Variants in EPB41L3 observed in about 807,000 individuals in gnomAD.
EPB41L3 encodes band 4.1-like protein 3.
Under a neutral mutation model 127.1 loss-of-function variants are expected in EPB41L3, and 57 were observed. That is an observed-to-expected ratio of 0.45 (90% CI 0.36 to 0.56). The LOEUF is 0.56. Ranked by LOEUF, EPB41L3 falls within the 20% of genes least tolerant of loss-of-function variation. EPB41L3 has a pLI of 0.00. For synonymous variants in EPB41L3, 572 were observed against 549.5 expected, an observed-to-expected ratio of 1.04 and a Z score of -0.57; for missense variants, 1,273 against 1,372.2, an observed-to-expected ratio of 0.93 and a Z score of 1.14.
intron 1 of EPB41L3, among the ~76,000 whole-genome samples, chr18:5,533,949 A>G (rs1479743495): frequency 6.6e-6 from 1 of 152,100 alleles, no homozygotes; most frequent in African/African-American, 2.4e-5. Flanking sequence ...CAGATCGCAA[A>G]GTCAGGAGAT....
At chr18:5,483,206 G>A (rs990264118) in intron 2 of EPB41L3, among the ~76,000 whole-genome samples, 6 of 152,106 alleles carry the variant, frequency 3.9e-5, no homozygotes, top group Non-Finnish European at 7.4e-5. Context: ...ATGTGTGTAT[G>A]TGTAGTTTTT....
chr18:5,513,156 T>C (rs2092610737), intron 1 of EPB41L3, among the ~76,000 whole-genome samples: 1 of 151,382 alleles, frequency 6.6e-6, no homozygotes, highest in Admixed American at 6.6e-5. Context: ...CTTATCAGCC[T>C]GGGTCCCTCC....
chr18:5,530,625 C>A (rs574280817), intron 1 of EPB41L3, among the ~76,000 whole-genome samples: 77 of 152,214 alleles, frequency 5.1e-4, no homozygotes, highest in Middle Eastern at 6.8e-3. Flanking sequence ...CCTCTGTACA[C>A]GCTGGTCAGT....
intron 3 of EPB41L3, among the ~76,000 whole-genome samples, chr18:5,462,732 G>C (rs11876294): frequency 0.01 from 1,542 of 152,200 alleles, 32 homozygotes; most frequent in African/African-American, 0.036. Flanking sequence ...TTGCTCATTC[G>C]CTCACTACCT....
chr18:5,586,223 A>G (rs1002335800), intron 3 of EPB41L3, among the ~76,000 whole-genome samples: 3 of 152,192 alleles, frequency 2.0e-5, no homozygotes, highest in Non-Finnish European at 4.4e-5. Context: ...TAATTCAGTT[A>G]CAGCAAAATT....
intron 3 of EPB41L3, among the ~76,000 whole-genome samples, chr18:5,599,687 GC>G (rs1439173032): frequency 6.6e-6 from 1 of 152,096 alleles, no homozygotes; most frequent in Non-Finnish European, 1.5e-5. Context: ...ATATGACTGT[GC>G]CTGCTCCCGC....
intron 3 of EPB41L3, among the ~76,000 whole-genome samples, chr18:5,456,518 A>G (rs7229320): frequency 0.34 from 51,300 of 152,188 alleles, 8,846 homozygotes; most frequent in South Asian, 0.46. Context: ...ATGATGCTTC[A>G]TTCAGTCTTG....
At chr18:5,512,362 GA>G (rs1398192064) in intron 1 of EPB41L3, among the ~76,000 whole-genome samples, 1 of 152,168 alleles carries the variant, frequency 6.6e-6, no homozygotes, top group East Asian at 1.9e-4. Context: ...AAGAGAAAGT[GA>G]AATCTGATAT....
Position 5,419,770 on chromosome 18 carries a change from C to T in EPB41L3, c.1447G>A (p.Asp483Asn). 1 of 1,614,186 alleles carries T rather than the reference C, an allele frequency of 6.2e-7. No individual in the cohort carries two copies. The highest frequency in any genetic ancestry group is 1.3e-5 in the African/African-American group (1 of 75,042). Residue 483 changes from aspartate to asparagine, a missense_variant, in exon 12 of 23, where the codon GAC (aspartate) becomes AAC (asparagine). By Grantham distance (23) the Asp-to-Asn change is conservative. Transcript: ENST00000341928. Reference sequence around the variant, plus strand: ...ACTTCTTCCCCCTTCCTCCGTTTGTCCTCTTCCTCGTCCCGCTCCTCCTCA... The same window carrying T: ...ACTTCTTCCCCCTTCCTCCGTTTGTTCTCTTCCTCGTCCCGCTCCTCCTCA... ...KAEEERDEEE[D>N]KRRKGEEVTP...
At chr18:5,592,356 A>T (rs1348174063) in intron 3 of EPB41L3, among the ~76,000 whole-genome samples, 1 of 152,118 alleles carries the variant, frequency 6.6e-6, no homozygotes, top group Non-Finnish European at 1.5e-5. Flanking sequence ...TAGGAGAGAC[A>T]GGGTTTCACC....
chr18:5,610,295 T>C (rs968474572), intron 3 of EPB41L3: 7 of 985,250 alleles, frequency 7.1e-6, no homozygotes, highest in Admixed American at 6.1e-5. Flanking sequence ...TGCTACCTTA[T>C]CCCATTCTGA....
At chr18:5,429,144 C>T (rs988403219) in intron 8 of EPB41L3, 1 of 152,160 alleles carries the variant, frequency 6.6e-6, no homozygotes, top group Non-Finnish European at 1.5e-5. Context: ...CACACAAACA[C>T]ACTGCCCAGT....
intron 3 of EPB41L3, among the ~76,000 whole-genome samples, chr18:5,473,539 A>C (rs959978500): frequency 4.0e-5 from 6 of 151,530 alleles, no homozygotes; most frequent in African/African-American, 1.5e-4. Flanking sequence ...CAAATAGAGA[A>C]AGCAAAGTCC....
At chr18:5,602,900 T>C (rs1165394159) in intron 3 of EPB41L3, among the ~76,000 whole-genome samples, 2 of 152,240 alleles carry the variant, frequency 1.3e-5, no homozygotes, top group Non-Finnish European at 2.9e-5. Flanking sequence ...TAAATTTCTC[T>C]AGCTAATAAT....
At chr18:5,567,637 G>GAAGGAAGGAAGA (rs1279512917) in intron 3 of EPB41L3, among the ~76,000 whole-genome samples, 1 of 151,196 alleles carries the variant, frequency 6.6e-6, no homozygotes, top group Non-Finnish European at 1.5e-5. Context: ...AGGAAAGAAG[G>GAAGGAAGGAAGA]AAGGAAGGAA....
chr18:5,491,201 T>C (rs2090556954), intron 1 of EPB41L3, among the ~76,000 whole-genome samples: 1 of 152,184 alleles, frequency 6.6e-6, no homozygotes, highest in Non-Finnish European at 1.5e-5. Context: ...ACTGGCTGGA[T>C]GTGCAGGTCT....
At chr18:5,596,216 A>C (rs1214588298) in intron 3 of EPB41L3, among the ~76,000 whole-genome samples, 3 of 152,168 alleles carry the variant, frequency 2.0e-5, no homozygotes, top group Non-Finnish European at 2.9e-5. Context: ...GTTCCTAGCG[A>C]TCACATCAGA....
intron 3 of EPB41L3, among the ~76,000 whole-genome samples, chr18:5,583,376 C>T (rs1409110612): frequency 1.3e-5 from 2 of 152,194 alleles, no homozygotes; most frequent in Admixed American, 1.3e-4. Context: ...AGAGCTCTTC[C>T]CTGTCCAGAA....
At chr18:5,531,460 C>T (rs141721475) in intron 1 of EPB41L3, among the ~76,000 whole-genome samples, 46 of 152,240 alleles carry the variant, frequency 3.0e-4, no homozygotes, top group African/African-American at 1.1e-3. Context: ...CAGTGGTTCA[C>T]ACCTGGGATC....
Sources: gnomAD v4.1 joint callset for allele counts (sites outside exome capture counted in the v4.1 genomes callset) on GRCh38, gnomAD v4.1.1 for gene constraint, MANE v1.5 for transcripts, NCBI Gene and HGNC (gene_info 2026-07-23, HGNC 2026-07-21) for gene names.